The following MGST2 variants were observed in gnomAD, a reference collection of about 807,000 sequenced individuals.
The protein encoded by MGST2 is glutathione peroxidase MGST2.
A neutral mutation model predicts 16.6 loss-of-function variants in MGST2; 9 were observed. The observed-to-expected ratio is 0.54, with a 90% CI of 0.33 to 0.95. The LOEUF is 0.95. Ranked by LOEUF, MGST2 falls within the 40% of genes least tolerant of loss-of-function variation. MGST2 has a pLI of 0.03. For synonymous variants in MGST2, 79 were observed against 68.0 expected (o/e 1.16, Z -0.79); for missense variants, 159 against 175.1 (o/e 0.91, Z 0.52).
downstream of MGST2, among the ~76,000 whole-genome samples, chr4:139,742,515 A>T (rs1411591155): frequency 6.6e-6 from 1 of 152,178 alleles, no homozygotes; most frequent in East Asian, 1.9e-4. Flanking sequence ...TGCTTGGCTT[A>T]TAGTAGGCGC....
rs1251689414 is a variant in MGST2, at chr4:139,686,290, GAGACCAA to G, written c.158+7651_158+7657del. Among the ~76,000 whole-genome samples, 5 of 151,158 alleles carry G rather than the reference GAGACCAA, an allele frequency of 3.3e-5. No homozygotes were observed. The East Asian group carries it at 9.6e-4, about 29-fold the overall frequency. ...GTCTGGGTTAAGATAAAGGATTATG[GAGACCAA>G]AGTTCTTGTTTGCAGAGGAAGCCTT... is the stretch of plus-strand genomic sequence containing the variant. On this transcript the variant is annotated intron_variant, in intron 2 of 4. Transcript: ENST00000265498.
At chr4:139,670,904 CAAAAA>C (rs111546595) in intron 1 of MGST2, among the ~76,000 whole-genome samples, 1 of 93,170 alleles carries the variant, frequency 1.1e-5, no homozygotes. Context: ...GACCCTATCT[CAAAAA>C]AAAAAAAAAA....
chr4:139,751,176 T>C, the MGST2 span, among the ~76,000 whole-genome samples: 1 of 152,222 alleles, frequency 6.6e-6, no homozygotes, highest in African/African-American at 2.4e-5. Flanking sequence ...CATGTCCCTG[T>C]CTAAATATAA....
At position 139,710,343 on chromosome 4, in the gene MGST2, C is replaced by T. The variant is rs565344581; in HGVS notation, c.*48+6147C>T. ...TTCTCTCCTCTTTCTTCCCCCATCACCATACTTACTGCACTAGGATTTTAT... is the reference window on the plus strand; with the variant it reads ...TTCTCTCCTCTTTCTTCCCCCATCATCATACTTACTGCACTAGGATTTTAT... On this transcript the variant is annotated intron_variant, in intron 5 of 5. Coordinates refer to the MGST2 transcript ENST00000616265. Among the ~76,000 whole-genome samples, 11 of 152,318 alleles carry T rather than the reference C, an allele frequency of 7.2e-5. No individual in the cohort carries two copies. The South Asian group carries it at 1.5e-3, about 20-fold the overall frequency.
intron 5 of MGST2, among the ~76,000 whole-genome samples, chr4:139,710,510 G>C (rs1330046437): frequency 6.6e-6 from 1 of 152,100 alleles, no homozygotes; most frequent in Non-Finnish European, 1.5e-5. Context: ...AGAGCTTCAC[G>C]TTTTTACTTC....
chr4:139,732,445 C>CCAAAA (rs1344227329), intron 5 of MGST2, among the ~76,000 whole-genome samples: 1 of 152,120 alleles, frequency 6.6e-6, no homozygotes, highest in East Asian at 1.9e-4. Context: ...CAAACAAAAG[C>CCAAAA]CAAACCAAAC....
chr4:139,669,845 G>A (rs1579284113), intron 1 of MGST2, among the ~76,000 whole-genome samples: 1 of 152,218 alleles, frequency 6.6e-6, no homozygotes, highest in East Asian at 1.9e-4. Flanking sequence ...AGGGGAGGGA[G>A]GAAATGGGGA....
intron 5 of MGST2, among the ~76,000 whole-genome samples, chr4:139,736,854 G>A (rs980831121): frequency 6.6e-6 from 1 of 152,212 alleles, no homozygotes; most frequent in Non-Finnish European, 1.5e-5. Context: ...AGATTGCAAA[G>A]CTGCACTTTC....
At chr4:139,719,564 G>A in intron 5 of MGST2, 1 of 1,613,666 alleles carries the variant, frequency 6.2e-7, no homozygotes, top group Non-Finnish European at 8.5e-7. Context: ...GCTGAACGCT[G>A]GCATGCCTGG....
intron 5 of MGST2, chr4:139,720,203 G>A (rs368377401): frequency 9.9e-6 from 16 of 1,613,798 alleles, no homozygotes; most frequent in Admixed American, 5.0e-5. Flanking sequence ...GGTGGCCATC[G>A]TCCCAGGGTT....
chr4:139,717,027 TAAAC>T (rs1162039192), intron 5 of MGST2: 1 of 152,570 alleles, frequency 6.6e-6, no homozygotes, highest in African/African-American at 2.4e-5. Flanking sequence ...TACTCTATTT[TAAAC>T]AAACAGTATA....
At chr4:139,677,484 G>T (rs1731021395) in intron 1 of MGST2, among the ~76,000 whole-genome samples, 1 of 151,356 alleles carries the variant, frequency 6.6e-6, no homozygotes, top group Non-Finnish European at 1.5e-5. Context: ...ACACAATTTA[G>T]TCTGGCTCAG....
intron 5 of MGST2, among the ~76,000 whole-genome samples, chr4:139,713,314 GT>G (rs1392586634): frequency 6.6e-6 from 1 of 151,702 alleles, no homozygotes; most frequent in African/African-American, 2.4e-5. Context: ...AATTCCTGGG[GT>G]TTCAAGATAA....
In MGST2 at chr4:139,678,653, C is replaced by T. The variant is rs367944007; in HGVS notation, c.158+11C>T. 487 of 1,582,252 alleles carry T rather than the reference C, an allele frequency of 3.1e-4. No individual in the cohort carries two copies. The highest frequency in any genetic ancestry group is 4.0e-4 in the Non-Finnish European group (457 of 1,151,262). ...AGTATTTCGGGCACAGTAAGTAATG[C>T]TTCTTCCACCCTTCATGGATCTGTG... On this transcript the variant is annotated intron_variant, in intron 2 of 4. Transcript: ENST00000265498.
At chr4:139,710,664 C>G (rs553939140) in intron 5 of MGST2, among the ~76,000 whole-genome samples, 20 of 152,272 alleles carry the variant, frequency 1.3e-4, no homozygotes, top group African/African-American at 3.6e-4. Flanking sequence ...ATTTGCCAAC[C>G]TGTCTGGAAC....
intron 2 of MGST2, among the ~76,000 whole-genome samples, chr4:139,692,125 G>A (rs552897964): frequency 2.6e-5 from 4 of 152,330 alleles, no homozygotes; most frequent in African/African-American, 7.2e-5. Flanking sequence ...CAGCTGGGAC[G>A]TGAGGTTGGG....
downstream of MGST2, among the ~76,000 whole-genome samples, chr4:139,742,149 C>CTTTT (rs67056013): frequency 7.9e-5 from 9 of 113,664 alleles, no homozygotes; most frequent in East Asian, 7.5e-4. Context: ...CTTTTCTTTT[C>CTTTT]TTTTTTTTTT....
intron 3 of MGST2, among the ~76,000 whole-genome samples, chr4:139,696,513 G>C (rs1726930951): frequency 6.6e-6 from 1 of 152,176 alleles, no homozygotes; most frequent in African/African-American, 2.4e-5. Context: ...GTGGTTCAGA[G>C]CACTCGTCTC....
At chr4:139,711,341 C>T (rs1727734493) in intron 5 of MGST2, among the ~76,000 whole-genome samples, 1 of 152,024 alleles carries the variant, frequency 6.6e-6, no homozygotes, top group African/African-American at 2.4e-5. Context: ...AGTGAGTGCT[C>T]AGTGCAAAGT....
Sources: gnomAD v4.1 joint callset for allele counts (sites outside exome capture counted in the v4.1 genomes callset) on GRCh38, gnomAD v4.1.1 for gene constraint, MANE v1.5 for transcripts, NCBI Gene and HGNC (gene_info 2026-07-23, HGNC 2026-07-21) for gene names.